The following CATSPERE variants were observed in gnomAD, a reference collection of about 807,000 sequenced individuals.
CATSPERE encodes cation channel sperm-associated auxiliary subunit epsilon.
A neutral mutation model predicts 114.1 loss-of-function variants in CATSPERE; 93 were observed. That is an observed-to-expected ratio of 0.81 (90% CI 0.69 to 0.97). CATSPERE has a LOEUF of 0.97. Among genes scored for constraint, CATSPERE ranks in the 50% least tolerant of loss-of-function variants. The pLI is 0.00. For missense variants in CATSPERE, 1,058 were observed against 1,131.6 expected (o/e 0.93, Z 0.93); for synonymous variants, 341 against 384.1 (o/e 0.89, Z 1.31).
At chr1:244,608,339 C>G (rs1404946276) in intron 18 of CATSPERE, among the ~76,000 whole-genome samples, 1 of 151,834 alleles carries the variant, frequency 6.6e-6, no homozygotes, top group Non-Finnish European at 1.5e-5. Context: ...CTGAGACCAG[C>G]CTGGGCAACA....
At chr1:244,585,653 A>G (rs545482244) in intron 13 of CATSPERE, among the ~76,000 whole-genome samples, 1 of 152,204 alleles carries the variant, frequency 6.6e-6, no homozygotes. Flanking sequence ...CTGTGTAGAC[A>G]CAGAACCATG....
intron 9 of CATSPERE, among the ~76,000 whole-genome samples, chr1:244,555,402 A>T (rs1661433720): frequency 6.6e-6 from 1 of 151,810 alleles, no homozygotes; most frequent in Non-Finnish European, 1.5e-5. Context: ...AAAAAAAATC[A>T]AACTAGGCAT....
chr1:244,508,994 A>G (rs1383911773), intron 7 of CATSPERE, among the ~76,000 whole-genome samples: 2 of 152,022 alleles, frequency 1.3e-5, no homozygotes, highest in Non-Finnish European at 2.9e-5. Context: ...CCAAAAAAAA[A>G]AAAAATTGTG....
At chr1:244,558,321 T>G (rs1264617597) in intron 9 of CATSPERE, among the ~76,000 whole-genome samples, 1 of 152,104 alleles carries the variant, frequency 6.6e-6, no homozygotes, top group Non-Finnish European at 1.5e-5. Context: ...GGCTAATTTT[T>G]GTATTTTTAG....
chr1:244,530,043 G>A (rs1679342611), intron 8 of CATSPERE, among the ~76,000 whole-genome samples: 1 of 152,082 alleles, frequency 6.6e-6, no homozygotes, highest in African/African-American at 2.4e-5. Flanking sequence ...CACCTCCCAT[G>A]TTCAAGCAAT....
chr1:244,489,780 G>A (rs972261127), intron 5 of CATSPERE, among the ~76,000 whole-genome samples: 6 of 151,924 alleles, frequency 3.9e-5, no homozygotes, highest in Admixed American at 6.6e-5. Flanking sequence ...TCCACTTTAC[G>A]CCTGAGTTGC....
chr1:244,520,357 A>T (rs1677322659), intron 8 of CATSPERE, among the ~76,000 whole-genome samples: 1 of 151,990 alleles, frequency 6.6e-6, no homozygotes, highest in Non-Finnish European at 1.5e-5. Flanking sequence ...CTTTCTGGAG[A>T]TCTAGTTGTC....
chr1:244,457,847 G>A (rs1227750342), upstream of CATSPERE, among the ~76,000 whole-genome samples: 2 of 152,072 alleles, frequency 1.3e-5, no homozygotes, highest in Admixed American at 6.6e-5. Context: ...AATATAAAAT[G>A]GTGTTCAGCT....
chr1:244,491,817 T>G (rs1460609556), intron 6 of CATSPERE, among the ~76,000 whole-genome samples: 1 of 152,124 alleles, frequency 6.6e-6, no homozygotes, highest in African/African-American at 2.4e-5. Flanking sequence ...TACAAACACC[T>G]CTACACAAAT....
At chr1:244,475,036 T>C (rs1348774303) in intron 2 of CATSPERE, among the ~76,000 whole-genome samples, 1 of 152,082 alleles carries the variant, frequency 6.6e-6, no homozygotes, top group African/African-American at 2.4e-5. Flanking sequence ...AATTGTTCTT[T>C]CTGTGTTTAT....
chr1:244,515,646 G>A (rs1237483972), intron 7 of CATSPERE, among the ~76,000 whole-genome samples: 1 of 152,164 alleles, frequency 6.6e-6, no homozygotes, highest in Non-Finnish European at 1.5e-5. Context: ...TAATAGAGCA[G>A]GAGGGAGTGA....
intron 6 of CATSPERE, among the ~76,000 whole-genome samples, chr1:244,494,394 T>G (rs1402276046): frequency 1.5e-5 from 2 of 137,202 alleles, no homozygotes; most frequent in Non-Finnish European, 1.5e-5. Flanking sequence ...TAGGTGGGAA[T>G]TGAACAATGA....
chr1:244,460,290 C>G (rs1056464095), upstream of CATSPERE, among the ~76,000 whole-genome samples: 3 of 152,216 alleles, frequency 2.0e-5, no homozygotes, highest in African/African-American at 7.2e-5. Context: ...ATACAAGATT[C>G]TGACTTGCCC....
intron 17 of CATSPERE, among the ~76,000 whole-genome samples, chr1:244,601,812 G>T (rs964784420): frequency 1.3e-5 from 2 of 152,178 alleles, no homozygotes; most frequent in African/African-American, 4.8e-5. Context: ...AATTAGCCGG[G>T]CGTGGGTGGT....
chr1:244,485,562 T>TTAAAAAG (rs1237569335), intron 5 of CATSPERE, among the ~76,000 whole-genome samples: 1 of 152,188 alleles, frequency 6.6e-6, no homozygotes, highest in African/African-American at 2.4e-5. Flanking sequence ...CACCTTTTAA[T>TTAAAAAG]TCTGTCCTTC....
chr1:244,531,235 C>CAAAA (rs60936159), intron 8 of CATSPERE, among the ~76,000 whole-genome samples: 1 of 60,390 alleles, frequency 1.7e-5, no homozygotes, highest in African/African-American at 4.2e-5. Flanking sequence ...GACTCAGTCT[C>CAAAA]AAAAAAAAAA....
intron 19 of CATSPERE, among the ~76,000 whole-genome samples, chr1:244,614,756 A>G (rs1332041720): frequency 6.6e-6 from 1 of 152,162 alleles, no homozygotes; most frequent in Non-Finnish European, 1.5e-5. Flanking sequence ...TGTGGTTACC[A>G]GAATATAAAG....
chr1:244,490,715 A>T (rs1194531262), intron 6 of CATSPERE, among the ~76,000 whole-genome samples: 1 of 152,158 alleles, frequency 6.6e-6, no homozygotes, highest in East Asian at 1.9e-4. Context: ...TTCACCAACA[A>T]CTTGGCTGAA....
chr1:244,594,855 A>G (rs1184700730), intron 17 of CATSPERE, among the ~76,000 whole-genome samples: 1 of 152,134 alleles, frequency 6.6e-6, no homozygotes, highest in African/African-American at 2.4e-5. Context: ...AGACTCTACC[A>G]TGTGCCCTTT....
Sources: gnomAD v4.1 joint callset for allele counts (sites outside exome capture counted in the v4.1 genomes callset) on GRCh38, gnomAD v4.1.1 for gene constraint, MANE v1.5 for transcripts, NCBI Gene and HGNC (gene_info 2026-07-23, HGNC 2026-07-21) for gene names.